VWF: variants seen among roughly 807,000 people sequenced by gnomAD.
The protein encoded by VWF is von Willebrand factor, also known as Factor VIII related antigen.
Under a neutral mutation model 308.6 loss-of-function variants are expected in VWF, and 176 were observed. The observed-to-expected ratio is 0.57, with a 90% CI of 0.50 to 0.65. The LOEUF (loss-of-function observed/expected upper bound fraction) is 0.65. Among genes scored for constraint, VWF ranks in the 30% least tolerant of loss-of-function variants. The pLI, the probability that VWF is intolerant of heterozygous loss-of-function variation, is 0.00. For synonymous variants in VWF, 1,385 were observed against 1,443.4 expected, an observed-to-expected ratio of 0.96 and a Z score of 0.92; for missense variants, 3,146 against 3,648.2, an observed-to-expected ratio of 0.86 and a Z score of 3.55.
At chr12:6,089,312 A>G (rs1392476715) in intron 6 of VWF, among the ~76,000 whole-genome samples, 2 of 152,222 alleles carry the variant, frequency 1.3e-5, no homozygotes, top group East Asian at 3.8e-4. Context: ...TTCTCTTCTC[A>G]GGTAAACAAC....
At chr12:6,050,902 C>T (rs1944501588) in intron 16 of VWF, among the ~76,000 whole-genome samples, 1 of 151,612 alleles carries the variant, frequency 6.6e-6, no homozygotes, top group Admixed American at 6.6e-5. Context: ...TTGCAGCGAG[C>T]CGAGATTGTG....
intron 47 of VWF, among the ~76,000 whole-genome samples, chr12:5,964,027 G>A (rs1296350629): frequency 6.6e-6 from 1 of 151,968 alleles, no homozygotes; most frequent in East Asian, 1.9e-4. Context: ...TTAACACGGT[G>A]AAACCCCGTC....
chr12:6,114,827 C>G (rs560593024), intron 3 of VWF, among the ~76,000 whole-genome samples: 1 of 152,254 alleles, frequency 6.6e-6, no homozygotes, highest in East Asian at 1.9e-4. Flanking sequence ...AACTGGGGCT[C>G]CTGAAGGGGA....
chr12:5,987,289 T>C (rs1049129599), intron 38 of VWF, among the ~76,000 whole-genome samples: 4 of 152,220 alleles, frequency 2.6e-5, no homozygotes, highest in Non-Finnish European at 5.9e-5. Flanking sequence ...ATAATAAATA[T>C]GTTCAAGATA....
In VWF at chr12:5,949,787, T is replaced by C. The variant is rs1244883314; in HGVS notation, c.8252A>G (p.Gln2751Arg). Residue 2751 changes from glutamine (Q) to arginine (R), a missense_variant and splice_region_variant, in exon 51 of 52, where the codon CAG becomes CGG. Transcript: ENST00000261405. ...SEVEVDIHYC[Q>R]GKCASKAMYS... ...CCCTTATTGAAGCAGAGCCCTTACC[T>C]GGCAGTAGTGGATATCCACCTCTAC... 9 of 1,613,854 alleles carry C rather than the reference T, an allele frequency of 5.6e-6. No homozygotes were observed. Among genetic ancestry groups the C allele is most frequent in the Non-Finnish European group, 7.6e-6 (9 of 1,179,718 alleles).
intron 44 of VWF, among the ~76,000 whole-genome samples, chr12:5,971,065 A>T (rs1458733104): frequency 1.3e-5 from 2 of 152,124 alleles, no homozygotes; most frequent in Admixed American, 1.3e-4. Context: ...CAGCCAGGAG[A>T]GGACAAGAGT....
rs116186271 is a variant in VWF, at chr12:5,987,868, C to A, written c.6799-2203G>T. On this transcript the variant is annotated intron_variant, in intron 38 of 51. Coordinates refer to ENST00000261405, the MANE Select transcript of VWF (RefSeq NM_000552.5). ...ATATATTTAAAAGGGCATAAGCTAA[C>A]CTTTGGGGGATGGAAATTCATTATC... Among the ~76,000 whole-genome samples the A allele has an allele frequency of 7.0e-3, 1,069 of 152,260 alleles. 15 individuals carry two copies. Among genetic ancestry groups the A allele is most frequent in the African/African-American group, 0.024 (999 of 41,532 alleles).
At chr12:6,045,861 T>C (rs1944442057) in intron 17 of VWF, among the ~76,000 whole-genome samples, 1 of 152,190 alleles carries the variant, frequency 6.6e-6, no homozygotes, top group South Asian at 2.1e-4. Flanking sequence ...GGTGCTGCAA[T>C]CCATAAATGT....
chr12:6,073,787 G>A (rs1944808464), intron 7 of VWF, 46 bp from the exon 8 acceptor site: 1 of 1,612,278 alleles, frequency 6.2e-7, no homozygotes, highest in Non-Finnish European at 8.5e-7. Flanking sequence ...GGTCCCACCG[G>A]TGCATCATCT....
At position 6,063,164 on chromosome 12, in the gene VWF, A is replaced by G; in HGVS notation, c.1433-110T>C. 1 of 902,070 alleles carries G rather than the reference A, an allele frequency of 1.1e-6. No individual in the cohort carries two copies. The allele number at this position is 902,070 out of a possible 1,614,324, so 55.9% of individuals were successfully genotyped here. Reference sequence around the variant, plus strand: ...TGTCTCAAAAGGATGGTAGCACTGAAGAGCAATGACTTAGGGGCAGATGGG... The same window carrying G: ...TGTCTCAAAAGGATGGTAGCACTGAGGAGCAATGACTTAGGGGCAGATGGG... On this transcript the variant is annotated intron_variant, in intron 12 of 51. Coordinates refer to ENST00000261405, the MANE Select transcript of VWF (RefSeq NM_000552.5). The surrounding 1 kb of genome is among the most constrained non-coding windows in gnomAD (Gnocchi z 4.9).
intron 5 of VWF, among the ~76,000 whole-genome samples, chr12:6,098,625 A>G (rs1025491107): frequency 6.6e-6 from 1 of 152,056 alleles, no homozygotes; most frequent in African/African-American, 2.4e-5. Context: ...AAAAATAAAC[A>G]AAAATTAGCC....
intron 20 of VWF, among the ~76,000 whole-genome samples, chr12:6,033,740 A>G (rs1944299203): frequency 1.3e-5 from 2 of 151,724 alleles, no homozygotes; most frequent in East Asian, 3.9e-4. Flanking sequence ...CATGCCCAGC[A>G]TGCTCTACAC....
At chr12:5,952,087 C>G (rs536180583) in intron 49 of VWF, among the ~76,000 whole-genome samples, 1 of 152,342 alleles carries the variant, frequency 6.6e-6, no homozygotes, top group South Asian at 2.1e-4. Context: ...TCTGAATTCT[C>G]TTCCAGTTGA....
chr12:6,031,661 G>C, intron 20 of VWF, 83 bp from the exon 21 acceptor site: 1 of 1,605,828 alleles, frequency 6.2e-7, no homozygotes. Context: ...CTTCATCACA[G>C]GCCTTTGAGT....
chr12:6,107,585 T>C (rs1441743377), intron 5 of VWF, among the ~76,000 whole-genome samples: 1 of 152,036 alleles, frequency 6.6e-6, no homozygotes, highest in Admixed American at 6.6e-5. Context: ...ATCAGACAGA[T>C]TGAAGGCAAA....
rs747274989 is a variant in VWF, at chr12:5,968,135, C to T, written c.7762G>A (p.Val2588Ile). The T allele has an allele frequency of 7.4e-6, 12 of 1,614,158 alleles. No homozygotes were observed. Among genetic ancestry groups the T allele is most frequent in the South Asian group, 2.2e-5 (2 of 91,082 alleles). ...AGAGGACAGCGGCTCACCCCAATGACAGTGCCATTGAGCATGCAGGCCTCC... is the reference window on the plus strand; with the variant it reads ...AGAGGACAGCGGCTCACCCCAATGATAGTGCCATTGAGCATGCAGGCCTCC... ...RMEACMLNGT[V>I]IGPGKTVMID... The change falls in exon 46 of 52, where the codon GTC becomes ATC. Residue 2588 changes from valine (V) to isoleucine (I), a missense_variant. Physicochemically the swap from Val to Ile is conservative, Grantham distance 29. Coordinates refer to ENST00000261405, the MANE Select transcript of VWF (RefSeq NM_000552.5).
intron 18 of VWF, among the ~76,000 whole-genome samples, chr12:6,042,657 C>T (rs1294733322): frequency 2.0e-5 from 3 of 152,224 alleles, no homozygotes; most frequent in African/African-American, 7.2e-5. Flanking sequence ...TATCCAAGTG[C>T]TGTCCTCAGA....
At chr12:6,055,730 G>A (rs1944569532) in intron 15 of VWF, among the ~76,000 whole-genome samples, 1 of 141,274 alleles carries the variant, frequency 7.1e-6, no homozygotes, top group South Asian at 2.2e-4. Context: ...TCTTCCAACA[G>A]GACCATCTAC....
At chr12:6,100,821 A>G (rs1945154474) in intron 5 of VWF, among the ~76,000 whole-genome samples, 1 of 152,162 alleles carries the variant, frequency 6.6e-6, no homozygotes, top group Non-Finnish European at 1.5e-5. Flanking sequence ...GCAGCACACC[A>G]GCATGGCACA....
Sources: allele counts gnomAD v4.1 joint callset (sites outside exome capture counted in the v4.1 genomes callset), GRCh38; gene constraint gnomAD v4.1.1; non-coding constraint Gnocchi (gnomAD v3.1); transcripts MANE v1.5; gene names NCBI Gene and HGNC (gene_info 2026-07-23, HGNC 2026-07-21).